The following CYYR1 variants were observed in gnomAD, a reference collection of about 807,000 sequenced individuals.
CYYR1 encodes the protein cysteine and tyrosine-rich protein 1.
A neutral mutation model predicts 15.2 loss-of-function variants in CYYR1; 14 were observed. That is an observed-to-expected ratio of 0.92 (90% CI 0.61 to 1.44). CYYR1 has a LOEUF of 1.44. Ranked by LOEUF, CYYR1 falls within the 40% of genes most tolerant of loss-of-function variation. The pLI is 0.00. For synonymous variants in CYYR1, 80 were observed against 77.4 expected (o/e 1.03, Z -0.18); for missense variants, 228 against 209.5 (o/e 1.09, Z -0.54).
At chr21:26,483,473 G>A in intron 2 of CYYR1, 8 of 959,746 alleles carry the variant, frequency 8.3e-6, no homozygotes, top group Non-Finnish European at 9.9e-6. Flanking sequence ...GCCAGAATTT[G>A]ACAGGTGAAC....
intron 2 of CYYR1, among the ~76,000 whole-genome samples, chr21:26,484,214 A>T (rs764971055): frequency 3.9e-5 from 6 of 152,116 alleles, no homozygotes; most frequent in Non-Finnish European, 8.8e-5. Flanking sequence ...ACAAAAGCCC[A>T]AGGTTGGTTC....
rs760005458 is a variant in CYYR1, at chr21:26,547,808, C to A, written c.176+18458G>T. Among the ~76,000 whole-genome samples the A allele has an allele frequency of 1.3e-4, 19 of 150,658 alleles. 2 individuals are homozygous for A. Among genetic ancestry groups the A allele is most frequent in the Non-Finnish European group, 2.7e-4 (18 of 67,844 alleles). The stretch of plus-strand genomic sequence containing the variant: ...TTTTTTTTTTTCTTTTTTTGGCTCC[C>A]ATTGCCAAGGAAACCTCGATTTCAA... On this transcript the variant is annotated intron_variant, in intron 2 of 3. Coordinates refer to ENST00000652641, the MANE Select transcript of CYYR1 (RefSeq NM_001320768.2).
At chr21:26,554,135 C>T (rs977950102) in intron 2 of CYYR1, among the ~76,000 whole-genome samples, 1 of 152,092 alleles carries the variant, frequency 6.6e-6, no homozygotes, top group African/African-American at 2.4e-5. Context: ...AGAGCTTAAT[C>T]AGGGAAATTC....
intron 2 of CYYR1, among the ~76,000 whole-genome samples, chr21:26,485,524 C>T (rs1365578008): frequency 6.6e-6 from 1 of 152,048 alleles, no homozygotes; most frequent in Admixed American, 6.6e-5. Flanking sequence ...GCAATCTGTT[C>T]TCCGTTTCTG....
chr21:26,557,445 T>A (rs1050858395), intron 2 of CYYR1, among the ~76,000 whole-genome samples: 1 of 152,174 alleles, frequency 6.6e-6, no homozygotes, highest in Non-Finnish European at 1.5e-5. Flanking sequence ...CTACATTTTA[T>A]GTAACATAAA....
chr21:26,562,349 G>A (rs1980259426), intron 2 of CYYR1, among the ~76,000 whole-genome samples: 1 of 152,128 alleles, frequency 6.6e-6, no homozygotes, highest in Non-Finnish European at 1.5e-5. Flanking sequence ...TCTTATCTTT[G>A]TCTATTGTCT....
intron 1 of CYYR1, among the ~76,000 whole-genome samples, chr21:26,569,725 C>G (rs1050057081): frequency 6.6e-6 from 1 of 152,182 alleles, no homozygotes; most frequent in African/African-American, 2.4e-5. Flanking sequence ...TGAACCATGT[C>G]CAGGACAGTG....
chr21:26,470,289 A>G (rs550634701), intron 3 of CYYR1, among the ~76,000 whole-genome samples: 19 of 152,168 alleles, frequency 1.2e-4, no homozygotes, highest in Non-Finnish European at 2.4e-4. Context: ...AGAATTTGAC[A>G]GTGTTCTGAT....
At chr21:26,543,124 G>T (rs1440852364) in intron 2 of CYYR1, among the ~76,000 whole-genome samples, 1 of 152,130 alleles carries the variant, frequency 6.6e-6, no homozygotes, top group Non-Finnish European at 1.5e-5. Context: ...TTAGAAGTAG[G>T]AGCTGAACAA....
In CYYR1 at chr21:26,573,010, G is replaced by A. The variant is rs750904627; in HGVS notation, c.-70C>T. On this transcript the variant is annotated 5_prime_UTR_variant, in exon 1 of 4. Transcript: ENST00000652641. Reference sequence around the variant, plus strand: ...CCGGAGGGAATGGGGAGGATGGAGGGCGATCAGATGGAGAGAGCAGCGCTC... The same window carrying A: ...CCGGAGGGAATGGGGAGGATGGAGGACGATCAGATGGAGAGAGCAGCGCTC... 2 of 1,611,156 alleles carry A rather than the reference G, an allele frequency of 1.2e-6. No homozygotes were observed. The highest frequency in any genetic ancestry group is 2.2e-5 in the East Asian group (1 of 44,802).
intron 2 of CYYR1, among the ~76,000 whole-genome samples, chr21:26,495,166 A>G (rs889190186): frequency 2.6e-5 from 4 of 152,346 alleles, no homozygotes; most frequent in Middle Eastern, 6.8e-3. Context: ...AGGCGGAATA[A>G]GGAGAATTAC....
At chr21:26,534,685 T>A (rs1455450228) in intron 2 of CYYR1, among the ~76,000 whole-genome samples, 1 of 152,120 alleles carries the variant, frequency 6.6e-6, no homozygotes, top group African/African-American at 2.4e-5. Flanking sequence ...TTCGTAACTG[T>A]TCCCTCCCTT....
intron 2 of CYYR1, among the ~76,000 whole-genome samples, chr21:26,520,242 C>G (rs1039984327): frequency 4.6e-5 from 7 of 151,374 alleles, no homozygotes; most frequent in African/African-American, 1.5e-4. Flanking sequence ...CCCCTACCCC[C>G]CAACAGGCCC....
chr21:26,540,710 A>G (rs1396799558), intron 2 of CYYR1, among the ~76,000 whole-genome samples: 2 of 152,164 alleles, frequency 1.3e-5, no homozygotes, highest in Non-Finnish European at 2.9e-5. Context: ...AAATAGCAGA[A>G]TCCAGTCTCT....
At chr21:26,545,055 G>A (rs920617013) in intron 2 of CYYR1, among the ~76,000 whole-genome samples, 3 of 152,040 alleles carry the variant, frequency 2.0e-5, no homozygotes, top group Non-Finnish European at 4.4e-5. Flanking sequence ...TAGATTAAAT[G>A]TTTCAGAACA....
At chr21:26,556,646 GAC>G (rs1453176629) in intron 2 of CYYR1, among the ~76,000 whole-genome samples, 3 of 152,114 alleles carry the variant, frequency 2.0e-5, no homozygotes, top group African/African-American at 7.2e-5. Context: ...GAGCAGGAAA[GAC>G]AGTGAAAGGG....
At chr21:26,507,651 A>T (rs1457326736) in intron 2 of CYYR1, among the ~76,000 whole-genome samples, 1 of 152,240 alleles carries the variant, frequency 6.6e-6, no homozygotes, top group South Asian at 2.1e-4. Flanking sequence ...CTGGGGTGAT[A>T]AAATGCCAAA....
At chr21:26,495,306 C>T (rs143453208) in intron 2 of CYYR1, among the ~76,000 whole-genome samples, 5 of 152,318 alleles carry the variant, frequency 3.3e-5, no homozygotes, top group African/African-American at 4.8e-5. Context: ...CCATCTAAAT[C>T]AAGTGAGTGC....
chr21:26,532,063 A>G (rs1320194739), intron 2 of CYYR1, among the ~76,000 whole-genome samples: 2 of 152,162 alleles, frequency 1.3e-5, no homozygotes, highest in Non-Finnish European at 1.5e-5. Flanking sequence ...ATGTAAAGCG[A>G]GAAAAAAAGA....
Sources: gnomAD v4.1 joint callset for allele counts (sites outside exome capture counted in the v4.1 genomes callset) on GRCh38, gnomAD v4.1.1 for gene constraint, MANE v1.5 for transcripts, NCBI Gene and HGNC (gene_info 2026-07-23, HGNC 2026-07-21) for gene names.